NCALD: variants seen among roughly 807,000 people sequenced by gnomAD.
The protein encoded by NCALD is neurocalcin delta.
Under a neutral mutation model 18.6 loss-of-function variants are expected in NCALD, and 10 were observed. The observed-to-expected ratio is 0.54, with a 90% CI of 0.33 to 0.91. The LOEUF is 0.91. Among genes scored for constraint, NCALD ranks in the 40% least tolerant of loss-of-function variants. The pLI is 0.03. For missense variants in NCALD, 184 were observed against 247.6 expected (o/e 0.74, Z 1.72); for synonymous variants, 88 against 87.4 (o/e 1.01, Z -0.04).
chr8:101,754,375 A>T (rs1810786735), intron 1 of NCALD, among the ~76,000 whole-genome samples: 1 of 152,110 alleles, frequency 6.6e-6, no homozygotes, highest in Non-Finnish European at 1.5e-5. Flanking sequence ...AGATGTCATA[A>T]ACTGGGGAAC....
intron 1 of NCALD, among the ~76,000 whole-genome samples, chr8:102,055,179 C>T (rs989574080): frequency 3.3e-5 from 5 of 151,508 alleles, no homozygotes; most frequent in Non-Finnish European, 5.9e-5. Flanking sequence ...ACAAAGGCGC[C>T]ACTCGGTGAG....
chr8:101,767,060 T>A (rs929485463), intron 1 of NCALD, among the ~76,000 whole-genome samples: 1 of 152,152 alleles, frequency 6.6e-6, no homozygotes, highest in Non-Finnish European at 1.5e-5. Flanking sequence ...CTCAGTTGAG[T>A]TTTCCCCCTT....
At chr8:101,918,185 A>G (rs1288351206) in intron 2 of NCALD, among the ~76,000 whole-genome samples, 1 of 152,238 alleles carries the variant, frequency 6.6e-6, no homozygotes, top group Non-Finnish European at 1.5e-5. Context: ...AACACATGCA[A>G]ATCAATAAAT....
chr8:101,805,466 CA>C (rs1489935551), intron 4 of NCALD, among the ~76,000 whole-genome samples: 2 of 152,166 alleles, frequency 1.3e-5, no homozygotes, highest in East Asian at 3.9e-4. Flanking sequence ...CACAGCAGAT[CA>C]AAAATACCAG....
chr8:101,767,757 T>C (rs1479336249), intron 1 of NCALD, among the ~76,000 whole-genome samples: 1 of 152,246 alleles, frequency 6.6e-6, no homozygotes, highest in Non-Finnish European at 1.5e-5. Context: ...AGAATTCCAC[T>C]TTCCCTGCAC....
chr8:101,930,945 G>A (rs1186535092), intron 2 of NCALD, among the ~76,000 whole-genome samples: 1 of 152,120 alleles, frequency 6.6e-6, no homozygotes, highest in Admixed American at 6.6e-5. Flanking sequence ...TCTATGGCAA[G>A]GCTTATACAA....
intron 2 of NCALD, among the ~76,000 whole-genome samples, chr8:101,923,358 G>A (rs1440565416): frequency 6.6e-6 from 1 of 152,328 alleles, no homozygotes. Context: ...GAGGCAAGGA[G>A]GTAAGATAGA....
At chr8:101,943,678 C>T (rs566693281) in intron 2 of NCALD, among the ~76,000 whole-genome samples, 4 of 151,512 alleles carry the variant, frequency 2.6e-5, no homozygotes, top group South Asian at 4.2e-4. Flanking sequence ...CCGTAGCTCA[C>T]GCCTGTAATC....
intron 2 of NCALD, among the ~76,000 whole-genome samples, chr8:101,988,082 G>A (rs1465636842): frequency 3.3e-5 from 5 of 151,468 alleles, no homozygotes; most frequent in South Asian, 2.1e-4. Flanking sequence ...GGGAATCCGG[G>A]AGGCGGAGCT....
intron 1 of NCALD, among the ~76,000 whole-genome samples, chr8:102,047,928 C>G (rs965893913): frequency 4.6e-5 from 7 of 152,072 alleles, no homozygotes; most frequent in Non-Finnish European, 1.5e-5. Context: ...AAGATTTATT[C>G]TTACCAGCTT....
At chr8:102,105,423 G>A (rs1206034941) in intron 1 of NCALD, among the ~76,000 whole-genome samples, 1 of 152,122 alleles carries the variant, frequency 6.6e-6, no homozygotes, top group Non-Finnish European at 1.5e-5. Flanking sequence ...ACAAAGGCAG[G>A]TAATTATTTT....
chr8:101,970,865 G>A (rs1196994029), intron 2 of NCALD, among the ~76,000 whole-genome samples: 1 of 152,144 alleles, frequency 6.6e-6, no homozygotes, highest in Admixed American at 6.6e-5. Flanking sequence ...GATTATTGTT[G>A]TGGCAATGCT....
intron 1 of NCALD, among the ~76,000 whole-genome samples, chr8:101,775,321 C>G (rs1279782423): frequency 1.3e-5 from 2 of 152,150 alleles, no homozygotes; most frequent in Non-Finnish European, 2.9e-5. Context: ...GCCAACCGCA[C>G]ATGTGCTTGG....
chr8:101,736,947 T>C (rs2130650059), intron 1 of NCALD, among the ~76,000 whole-genome samples: 1 of 152,358 alleles, frequency 6.6e-6, no homozygotes, highest in Non-Finnish European at 1.5e-5. Context: ...AATTCTTTCT[T>C]ACCCAGGGGA....
At chr8:101,976,999 C>T (rs1358973569) in intron 2 of NCALD, among the ~76,000 whole-genome samples, 2 of 152,112 alleles carry the variant, frequency 1.3e-5, no homozygotes, top group Non-Finnish European at 2.9e-5. Context: ...TAGGAAATAG[C>T]AGGCTTACGT....
intron 4 of NCALD, among the ~76,000 whole-genome samples, chr8:101,862,280 G>A (rs1026229385): frequency 2.0e-5 from 3 of 152,060 alleles, no homozygotes; most frequent in African/African-American, 7.2e-5. Flanking sequence ...CCTATGTAAA[G>A]TAAATCTACA....
chr8:101,860,673 C>T (rs1244311848), intron 4 of NCALD, among the ~76,000 whole-genome samples: 1 of 152,094 alleles, frequency 6.6e-6, no homozygotes, highest in Non-Finnish European at 1.5e-5. Flanking sequence ...ATTGTTTTAA[C>T]CCATAATTGT....
At chr8:101,892,458 C>T (rs571615724) in intron 3 of NCALD, among the ~76,000 whole-genome samples, 1 of 149,378 alleles carries the variant, frequency 6.7e-6, no homozygotes, top group Non-Finnish European at 1.5e-5. Context: ...CAGAGTGCCT[C>T]TCCTCCTCCA....
chr8:101,980,600 A>T (rs1402564862), intron 2 of NCALD, among the ~76,000 whole-genome samples: 1 of 152,196 alleles, frequency 6.6e-6, no homozygotes, highest in Non-Finnish European at 1.5e-5. Flanking sequence ...GGGGACACAA[A>T]ATAATCCTTT....
Sources: allele counts gnomAD v4.1 joint callset (sites outside exome capture counted in the v4.1 genomes callset), GRCh38; gene constraint gnomAD v4.1.1; transcripts MANE v1.5; gene names NCBI Gene and HGNC (gene_info 2026-07-23, HGNC 2026-07-21).